PDE10A: variants seen among roughly 807,000 people sequenced by gnomAD.
PDE10A encodes the protein cAMP and cAMP-inhibited cGMP 3',5'-cyclic phosphodiesterase 10A.
PDE10A carries 39 observed loss-of-function variants against 97.7 expected under a neutral mutation model. The observed-to-expected ratio is 0.40, with a 90% CI of 0.31 to 0.52. The LOEUF (loss-of-function observed/expected upper bound fraction) is 0.52, where lower values mean the gene tolerates loss of function less well. PDE10A is among the 20% of genes least tolerant of loss of function. The probability of loss-of-function intolerance (pLI) is 0.56; values close to 1 mark genes in which losing one functional copy is unlikely to be tolerated. For missense variants in PDE10A, 731 were observed against 1,047.8 expected (o/e 0.70, Z 4.17); for synonymous variants, 371 against 376.8 (o/e 0.98, Z 0.18).
At chr6:165,588,673 A>G (rs1240259732) in intron 1 of PDE10A, among the ~76,000 whole-genome samples, 1 of 152,162 alleles carries the variant, frequency 6.6e-6, no homozygotes, top group Non-Finnish European at 1.5e-5. Context: ...GAAAACCTAC[A>G]TTATTCTGCC....
intron 1 of PDE10A, among the ~76,000 whole-genome samples, chr6:165,738,206 C>T (rs1583017977): frequency 7.3e-6 from 1 of 137,220 alleles, no homozygotes; most frequent in Non-Finnish European, 1.5e-5. Flanking sequence ...TGTTCCCCTT[C>T]CTGTGTCCAT....
At chr6:165,396,228 T>C in intron 14 of PDE10A, 89 bp downstream of exon 14, 1 of 1,220,354 alleles carries the variant, frequency 8.2e-7, no homozygotes, top group South Asian at 1.4e-5. Context: ...TGTATAATAA[T>C]TGTGACTCTA....
At position 165,388,298 on chromosome 6, in the gene PDE10A, CT is replaced by C; in HGVS notation, c.2609del (p.Gln870ArgfsTer11). 2 of 1,613,858 alleles carry C rather than the reference CT, an allele frequency of 1.2e-6. No individual in the cohort carries two copies. Among genetic ancestry groups the C allele is most frequent in the Non-Finnish European group, 1.7e-6 (2 of 1,179,892 alleles). On this transcript the variant is annotated frameshift_variant and splice_region_variant, in exon 17 of 22. Transcript: ENST00000539869. LOFTEE classifies it high-confidence loss of function. The surrounding 1 kb of genome is among the most constrained non-coding windows in gnomAD (Gnocchi z 4.0). ...HHFSQTVSIL[Q>X]LEGHNIFSTL... ...CGAGAGACGGCGTGCAGTGACTCACCTGGAGGATGGACACAGTCTGGGAGAA... is the reference window on the plus strand; with the variant it reads ...CGAGAGACGGCGTGCAGTGACTCACCGGAGGATGGACACAGTCTGGGAGAA...
intron 1 of PDE10A, among the ~76,000 whole-genome samples, chr6:165,983,973 A>C (rs992354479): frequency 9.2e-5 from 14 of 152,264 alleles, no homozygotes; most frequent in African/African-American, 3.4e-4. Flanking sequence ...AGAAATGCAC[A>C]GATGTGCTCC....
intron 9 of PDE10A, among the ~76,000 whole-genome samples, chr6:165,429,634 G>A (rs1161505013): frequency 6.6e-6 from 1 of 151,968 alleles, no homozygotes; most frequent in East Asian, 1.9e-4. Context: ...GAACTTGTAG[G>A]AGGACATGAC....
chr6:165,337,409 A>G (rs1781714901), intron 20 of PDE10A, among the ~76,000 whole-genome samples: 1 of 152,224 alleles, frequency 6.6e-6, no homozygotes, highest in African/African-American at 2.4e-5. Context: ...GATCAAATTT[A>G]TTCCTTTTTG....
intron 1 of PDE10A, among the ~76,000 whole-genome samples, chr6:165,720,226 C>T (rs953242005): frequency 2.0e-5 from 3 of 152,028 alleles, no homozygotes; most frequent in African/African-American, 7.3e-5. Flanking sequence ...TTGTTTTATG[C>T]ATTTCAGTAC....
At chr6:165,763,234 G>A (rs7744902) in intron 1 of PDE10A, among the ~76,000 whole-genome samples, 22,279 of 152,098 alleles carry the variant, frequency 0.15, 2,402 homozygotes, top group African/African-American at 0.3. Flanking sequence ...GCCCCTGCTC[G>A]CCTCGTTTTC....
intron 1 of PDE10A, among the ~76,000 whole-genome samples, chr6:165,971,291 G>C (rs1179597793): frequency 6.6e-6 from 1 of 152,154 alleles, no homozygotes; most frequent in Non-Finnish European, 1.5e-5. Context: ...ATTGACTCGT[G>C]AGCACCTCAA....
chr6:165,498,923 T>C (rs1780708479), intron 2 of PDE10A, among the ~76,000 whole-genome samples: 1 of 152,252 alleles, frequency 6.6e-6, no homozygotes, highest in Admixed American at 6.5e-5. Flanking sequence ...AGCTCTATTA[T>C]GTCTGCATGT....
At chr6:165,604,417 A>G (rs1787109005) in intron 1 of PDE10A, among the ~76,000 whole-genome samples, 1 of 151,742 alleles carries the variant, frequency 6.6e-6, no homozygotes, top group Non-Finnish European at 1.5e-5. Flanking sequence ...ACTAGCTGAC[A>G]TCAGCCCCTT....
chr6:165,777,265 T>C (rs1778212569), intron 1 of PDE10A, among the ~76,000 whole-genome samples: 1 of 152,194 alleles, frequency 6.6e-6, no homozygotes, highest in Admixed American at 6.5e-5. Context: ...GCTTCTTTTC[T>C]AGAATGTTTA....
intron 1 of PDE10A, among the ~76,000 whole-genome samples, chr6:165,630,810 T>G (rs958859670): frequency 6.6e-6 from 1 of 152,158 alleles, no homozygotes; most frequent in Non-Finnish European, 1.5e-5. Flanking sequence ...ATCAAAGGTC[T>G]AAGCCCTTTT....
intron 1 of PDE10A, chr6:165,946,852 C>G (rs1393583765): frequency 1.3e-5 from 2 of 152,126 alleles, no homozygotes; most frequent in East Asian, 1.9e-4. Flanking sequence ...TATTTTCTAT[C>G]TATATATACA....
intron 1 of PDE10A, among the ~76,000 whole-genome samples, chr6:165,736,413 C>G (rs759322002): frequency 6.6e-5 from 10 of 152,212 alleles, no homozygotes; most frequent in Middle Eastern, 3.4e-3. Flanking sequence ...CATGATGTCT[C>G]CCAAGCTCAG....
intron 1 of PDE10A, among the ~76,000 whole-genome samples, chr6:165,685,103 A>C (rs910372469): frequency 6.6e-6 from 1 of 152,206 alleles, no homozygotes; most frequent in East Asian, 1.9e-4. Context: ...TGCTCTTTAG[A>C]ATCCTTAGAT....
intron 3 of PDE10A, among the ~76,000 whole-genome samples, chr6:165,464,639 C>A (rs1778527506): frequency 6.6e-6 from 1 of 152,164 alleles, no homozygotes; most frequent in Admixed American, 6.5e-5. Flanking sequence ...TTCATAAACT[C>A]CCTCCCATAG....
intron 1 of PDE10A, among the ~76,000 whole-genome samples, chr6:165,903,175 A>G (rs1782161666): frequency 1.3e-5 from 2 of 152,282 alleles, no homozygotes; most frequent in South Asian, 4.1e-4. Context: ...GTTTTTACAG[A>G]ATTTTGTAAG....
intron 2 of PDE10A, among the ~76,000 whole-genome samples, chr6:165,520,113 G>A (rs540352823): frequency 6.6e-6 from 1 of 152,236 alleles, no homozygotes; most frequent in South Asian, 2.1e-4. Context: ...GATATCCCCA[G>A]AACCAGTATC....
Sources: gnomAD v4.1 joint callset for allele counts (sites outside exome capture counted in the v4.1 genomes callset) on GRCh38, gnomAD v4.1.1 for gene constraint, Gnocchi (gnomAD v3.1) non-coding constraint, MANE v1.5 for transcripts, NCBI Gene and HGNC (gene_info 2026-07-23, HGNC 2026-07-21) for gene names.